The following MYO3B variants were observed in gnomAD, a reference collection of about 807,000 sequenced individuals.
MYO3B encodes the protein myosin-IIIb.
Under a neutral mutation model 174.6 loss-of-function variants are expected in MYO3B, and 156 were observed. The ratio of observed to expected loss-of-function variants is 0.89; its 90% CI spans 0.78 to 1.02. MYO3B has a LOEUF of 1.02. Among genes scored for constraint, MYO3B ranks in the 50% least tolerant of loss-of-function variants. The probability of loss-of-function intolerance (pLI) is 0.00; values close to 1 mark genes in which losing one functional copy is unlikely to be tolerated. For synonymous variants in MYO3B, 563 were observed against 569.1 expected (o/e 0.99, Z 0.15); for missense variants, 1,632 against 1,639.4 (o/e 1.00, Z 0.08).
intron 25 of MYO3B, among the ~76,000 whole-genome samples, chr2:170,487,917 CCCTT>C (rs1686168380): frequency 3.3e-5 from 5 of 152,176 alleles, no homozygotes; most frequent in Admixed American, 3.3e-4. Context: ...TTTCTCCTCT[CCCTT>C]CCATGAGTAA....
chr2:170,630,662 C>T (rs1696878050), intron 32 of MYO3B, among the ~76,000 whole-genome samples: 1 of 152,180 alleles, frequency 6.6e-6, no homozygotes, highest in Non-Finnish European at 1.5e-5. Flanking sequence ...CCGACTGACA[C>T]CTCATACAGC....
chr2:170,491,627 C>G (rs1252639657), intron 25 of MYO3B, among the ~76,000 whole-genome samples: 14 of 152,244 alleles, frequency 9.2e-5, no homozygotes, highest in South Asian at 8.3e-4. Flanking sequence ...GGGTTTCACC[C>G]CCTTAGCCAG....
chr2:170,330,160 C>T (rs1161549427), intron 7 of MYO3B, among the ~76,000 whole-genome samples: 2 of 152,194 alleles, frequency 1.3e-5, no homozygotes, highest in African/African-American at 4.8e-5. Flanking sequence ...TTAAAATTCA[C>T]AACTTTCAGG....
intron 32 of MYO3B, among the ~76,000 whole-genome samples, chr2:170,591,985 T>C (rs1031299033): frequency 6.6e-6 from 1 of 152,198 alleles, no homozygotes; most frequent in Admixed American, 6.5e-5. Context: ...ATACCAAGCA[T>C]TATCTTATAC....
rs764100762 is a variant in MYO3B at position 170,651,640 on chromosome 2, G to C, written c.3746G>C (p.Gly1249Ala). Residue 1249 changes from glycine (G) to alanine (A), a missense_variant, in exon 33 of 35, where the codon GGT becomes GCT. Gly to Ala is a moderately conservative substitution (Grantham distance 60, BLOSUM62 0). Transcript: ENST00000408978. ...GCTCTTTTTTCAGGTTCAGAAAATGGTCTTGCACAGAAGCATCGAACACCT... is the reference window on the plus strand; with the variant it reads ...GCTCTTTTTTCAGGTTCAGAAAATGCTCTTGCACAGAAGCATCGAACACCT... ...GAPQKPGSEN[G>A]LAQKHRTPRR... 6.2e-7 allele frequency: 1 copy of C among 1,614,082 alleles called. No individual in the cohort carries two copies. Among genetic ancestry groups the C allele is most frequent in the East Asian group, 2.2e-5 (1 of 44,880 alleles).
At chr2:170,407,871 G>A (rs775067347) in intron 22 of MYO3B, 27 bp downstream of exon 22, 1 of 1,612,120 alleles carries the variant, frequency 6.2e-7, no homozygotes, top group South Asian at 1.1e-5. Flanking sequence ...TGATAGCCCT[G>A]CTCTTAAAGC....
chr2:170,310,455 G>A, intron 7 of MYO3B, among the ~76,000 whole-genome samples: 1 of 152,224 alleles, frequency 6.6e-6, no homozygotes, highest in African/African-American at 2.4e-5. Flanking sequence ...CCGAGGTCAG[G>A]AGTTTGAGAC....
rs756311446 is a variant in MYO3B, at chr2:170,652,140, G to C, written c.3873G>C (p.Lys1291Asn). Residue 1291 changes from lysine to asparagine, a missense_variant, in exon 34 of 35, where the codon AAG becomes AAC. Coordinates refer to ENST00000408978, the MANE Select transcript of MYO3B (RefSeq NM_138995.5). ...TAGAATATCAAGGGAGCAAGAGGAA[G>C]CCAAGAAAACTTGGGTAAATATCTG... ...GTLEYQGSKRKPRKLGQIKVL... is the reference protein window; with the variant it reads ...GTLEYQGSKRNPRKLGQIKVL... 3 of 1,613,928 alleles carry C rather than the reference G, an allele frequency of 1.9e-6. No individual in the cohort carries two copies. The highest frequency in any genetic ancestry group is 2.5e-6 in the Non-Finnish European group (3 of 1,179,956).
chr2:170,469,364 CT>C (rs1490216860), intron 25 of MYO3B, among the ~76,000 whole-genome samples: 3 of 152,324 alleles, frequency 2.0e-5, no homozygotes, highest in Admixed American at 2.0e-4. Flanking sequence ...ATGCCTGGGG[CT>C]TACTTAGTTT....
rs773289825 is a variant in MYO3B at position 170,383,755 on chromosome 2, C to G, written c.1231C>G (p.His411Asp). Residue 411 changes from histidine (H) to aspartate (D), a missense_variant, in exon 12 of 35, where the codon CAC becomes GAC. By Grantham distance (81) the His-to-Asp change is moderately conservative. Coordinates refer to ENST00000408978, the MANE Select transcript of MYO3B (RefSeq NM_138995.5). The part of the protein sequence containing the change: ...HGVKRASNPP[H>D]IFASADAAYQ... Reference sequence around the variant, plus strand: ...GGTGAAACGCGCCTCCAATCCCCCCCACATATTTGCATCAGCAGATGCTGC... The same window carrying G: ...GGTGAAACGCGCCTCCAATCCCCCCGACATATTTGCATCAGCAGATGCTGC... The G allele has an allele frequency of 1.4e-5, 23 of 1,613,690 alleles. No homozygotes were observed. The highest frequency in any genetic ancestry group is 2.2e-5 in the East Asian group (1 of 44,884).
chr2:170,532,577 C>T (rs557132389), intron 30 of MYO3B, among the ~76,000 whole-genome samples: 1 of 152,118 alleles, frequency 6.6e-6, no homozygotes, highest in African/African-American at 2.4e-5. Context: ...CTTTGGGAGG[C>T]CAAGGTGGGC....
rs1255133618 is a variant in MYO3B, at chr2:170,528,695, T to C, written c.3575+9155T>C. ...TGCTGAGATTGCATGCATGAGAAAC[T>C]GTGCCCAGCCTCAAGGCAAATATTT... On this transcript the variant is annotated intron_variant, in intron 30 of 34. Coordinates refer to ENST00000408978, the MANE Select transcript of MYO3B (RefSeq NM_138995.5). 3.9e-5 allele frequency among the ~76,000 whole-genome samples: 6 copies of C among 152,210 alleles called. No individual in the cohort carries two copies. In the East Asian group the frequency reaches 5.8e-4, roughly 15 times the overall value.
rs10497369 is a variant in MYO3B at position 170,409,906 on chromosome 2, A to G, written c.2650+2062A>G. Among the ~76,000 whole-genome samples, 6 of 152,274 alleles carry G rather than the reference A, an allele frequency of 3.9e-5. No individual in the cohort carries two copies. The South Asian group carries it at 8.3e-4, about 21-fold the overall frequency. On this transcript the variant is annotated intron_variant, in intron 22 of 34. Coordinates refer to ENST00000408978, the MANE Select transcript of MYO3B (RefSeq NM_138995.5). ...TACTTTTCTAAATTTTAAAACGTTC[A>G]TAGTCTATATTTTTGGGGGTTATTA...
rs114714963 is a variant in MYO3B at position 170,469,690 on chromosome 2, A to T, written c.3014+2979A>T. 2.8e-3 allele frequency among the ~76,000 whole-genome samples: 422 copies of T among 152,300 alleles called. 3 individuals are homozygous for T. The highest frequency in any genetic ancestry group is 9.5e-3 in the African/African-American group (395 of 41,562). ...CAGCTCACTACCTGCTAAAGTTTCTAAAAAATGTTCCCTTGGGAATCTCTC... is the reference window on the plus strand; with the variant it reads ...CAGCTCACTACCTGCTAAAGTTTCTTAAAAATGTTCCCTTGGGAATCTCTC... On this transcript the variant is annotated intron_variant, in intron 25 of 34. Coordinates refer to ENST00000408978, the MANE Select transcript of MYO3B (RefSeq NM_138995.5).
chr2:170,547,163 CAAAA>C lies in MYO3B; in HGVS notation c.3733+3190_3733+3193del, dbSNP rs55824079. 4.6e-3 allele frequency among the ~76,000 whole-genome samples: 595 copies of C among 128,002 alleles called. 6 individuals are homozygous for C. The highest frequency in any genetic ancestry group is 0.016 in the Middle Eastern group (4 of 244). 84.0% of individuals were successfully genotyped at this position (128,002 alleles called of 152,430 possible). A position where few individuals can be genotyped will look rare whatever the true frequency, so the allele number is the denominator to read the frequency against. On this transcript the variant is annotated intron_variant, in intron 32 of 34. Transcript: ENST00000408978. The stretch of plus-strand genomic sequence containing the variant: ...TGAAACCCCGTCTCTACTAAAAATA[CAAAA>C]AAAAAAAAAAAAAATAGCCGGGCAT...
chr2:170,462,452 C>A (rs1324757519), intron 23 of MYO3B, among the ~76,000 whole-genome samples: 1 of 152,198 alleles, frequency 6.6e-6, no homozygotes, highest in African/African-American at 2.4e-5. Flanking sequence ...CTTTATTCAC[C>A]CCTCCTAACT....
At chr2:170,283,066 G>T (rs1257962185) in intron 7 of MYO3B, among the ~76,000 whole-genome samples, 3 of 152,134 alleles carry the variant, frequency 2.0e-5, no homozygotes, top group Non-Finnish European at 4.4e-5. Context: ...TTGTACCCTG[G>T]GCTAGGATGC....
intron 7 of MYO3B, among the ~76,000 whole-genome samples, chr2:170,263,499 G>A (rs922532977): frequency 2.0e-5 from 3 of 152,110 alleles, no homozygotes; most frequent in African/African-American, 4.8e-5. Flanking sequence ...GGGGGATGTG[G>A]CAGGACAATA....
chr2:170,502,431 A>G (rs980764625), intron 28 of MYO3B, among the ~76,000 whole-genome samples: 4 of 152,244 alleles, frequency 2.6e-5, no homozygotes, highest in Admixed American at 2.0e-4. Flanking sequence ...ATCCAGGCTT[A>G]TATGTGGCTA....
Sources: gnomAD v4.1 joint callset for allele counts (sites outside exome capture counted in the v4.1 genomes callset) on GRCh38, gnomAD v4.1.1 for gene constraint, MANE v1.5 for transcripts, NCBI Gene and HGNC (gene_info 2026-07-23, HGNC 2026-07-21) for gene names.